Variants in VCAM1 observed in about 807,000 individuals in gnomAD.
VCAM1 encodes vascular cell adhesion protein 1.
Under a neutral mutation model 63.8 loss-of-function variants are expected in VCAM1, and 41 were observed. The observed-to-expected ratio is 0.64, with a 90% CI of 0.50 to 0.83. The LOEUF is 0.83. Among genes scored for constraint, VCAM1 ranks in the 40% least tolerant of loss-of-function variants. The pLI, the probability that VCAM1 is intolerant of heterozygous loss-of-function variation, is 0.00. For synonymous variants in VCAM1, 338 were observed against 320.7 expected (o/e 1.05, Z -0.58); for missense variants, 798 against 875.5 (o/e 0.91, Z 1.12).
chr1:100,721,996 A>T (rs1034732815), intron 2 of VCAM1, among the ~76,000 whole-genome samples: 1 of 152,022 alleles, frequency 6.6e-6, no homozygotes, highest in Admixed American at 6.6e-5. Flanking sequence ...AGAAATGAAG[A>T]CGCTTCTGGT....
Position 100,738,171 on chromosome 1 carries a change from A to C in VCAM1, c.2108A>C (p.Tyr703Ser). 6.2e-7 allele frequency: 1 copy of C among 1,613,828 alleles called. No individual in the cohort carries two copies. The highest frequency in any genetic ancestry group is 1.1e-5 in the South Asian group (1 of 91,048). The change falls in exon 9 of 9, where the codon TAT becomes TCT. Residue 703 changes from tyrosine to serine, a missense_variant. Transcript: ENST00000294728. ...TTTTCTCCTGAGCTTCTCGTGCTCTATTTTGCATCCTCCTTAATAATACCT... is the reference window on the plus strand; with the variant it reads ...TTTTCTCCTGAGCTTCTCGTGCTCTCTTTTGCATCCTCCTTAATAATACCT... ...DYFSPELLVL[Y>S]FASSLIIPAI...
At chr1:100,730,087 AT>A (rs3917054) in intron 5 of VCAM1, among the ~76,000 whole-genome samples, 17 of 151,440 alleles carry the variant, frequency 1.1e-4, no homozygotes, top group African/African-American at 2.4e-4. Context: ...CCATAAAGTT[AT>A]TTTTTTTTGA....
rs772917955 is a variant in VCAM1, at chr1:100,734,687, T to C, written c.1978T>C (p.Leu660=). 7 of 1,613,886 alleles carry C rather than the reference T, an allele frequency of 4.3e-6. No individual in the cohort carries two copies. The highest frequency in any genetic ancestry group is 2.2e-5 in the East Asian group (1 of 44,876). ...CGCCTATACCATCCGAAAGGCCCAG[T>C]TGAAGGATGCGGGAGTATATGAATG... ...DGAYTIRKAQ[L]KDAGVYECES... The change falls in exon 8 of 9, where the codon TTG becomes CTG. Residue 660 remains leucine, a synonymous_variant. Transcript: ENST00000294728.
At position 100,738,169 on chromosome 1, in the gene VCAM1, C is replaced by A; in HGVS notation, c.2106C>A (p.Leu702=). ...ATTTTTCTCCTGAGCTTCTCGTGCTCTATTTTGCATCCTCCTTAATAATAC... is the reference window on the plus strand; with the variant it reads ...ATTTTTCTCCTGAGCTTCTCGTGCTATATTTTGCATCCTCCTTAATAATAC... ...KDYFSPELLV[L]YFASSLIIPA... is the part of the protein sequence containing the mutation. The change falls in exon 9 of 9, where the codon CTC becomes CTA. Residue 702 remains leucine, a synonymous_variant. Transcript: ENST00000294728. 6.2e-7 allele frequency: 1 copy of A among 1,613,664 alleles called. No homozygotes were observed. Among genetic ancestry groups the A allele is most frequent in the Non-Finnish European group, 8.5e-7 (1 of 1,179,758 alleles).
At chr1:100,721,224 T>C (rs1659939687) in intron 2 of VCAM1, among the ~76,000 whole-genome samples, 1 of 152,130 alleles carries the variant, frequency 6.6e-6, no homozygotes, top group Non-Finnish European at 1.5e-5. Context: ...TGTATTAGTA[T>C]AAAAGTGTTC....
rs1660462852 is a variant in VCAM1 at position 100,731,704 on chromosome 1, T to C, written c.1525+186T>C. 6.6e-6 allele frequency among the ~76,000 whole-genome samples: 1 copy of C among 152,202 alleles called. No homozygotes were observed. The highest frequency in any genetic ancestry group is 1.5e-5 in the Non-Finnish European group (1 of 68,026). Reference sequence around the variant, plus strand: ...TAAACTTAAAATAGTAACTATTTACTGGCTTATGATGCTTTGAGTAGGCAA... The same window carrying C: ...TAAACTTAAAATAGTAACTATTTACCGGCTTATGATGCTTTGAGTAGGCAA... On this transcript the variant is annotated intron_variant, in intron 6 of 8. Transcript: ENST00000294728. This position sits in a 1 kb window ranked among gnomAD's most constrained non-coding sequence, Gnocchi z 4.2.
chr1:100,721,952 C>A (rs745486608), intron 2 of VCAM1, among the ~76,000 whole-genome samples: 4 of 151,904 alleles, frequency 2.6e-5, no homozygotes, highest in Non-Finnish European at 5.9e-5. Context: ...TGTCTTTTGC[C>A]CACTAGTACC....
intron 5 of VCAM1, among the ~76,000 whole-genome samples, chr1:100,730,731 G>A (rs3917058): frequency 0.035 from 5,293 of 152,110 alleles, 313 homozygotes; most frequent in African/African-American, 0.12. Context: ...GCCTCTATAT[G>A]TTTCAGTATT....
intron 7 of VCAM1, 27 bp downstream of exon 7, chr1:100,732,711 T>A: frequency 6.6e-7 from 1 of 1,521,760 alleles, no homozygotes; most frequent in Non-Finnish European, 8.8e-7. Context: ...TAATGAGTTA[T>A]CCTTGCTAGT....
chr1:100,721,482 TA>T (rs1010611150), intron 2 of VCAM1, among the ~76,000 whole-genome samples: 12 of 151,928 alleles, frequency 7.9e-5, no homozygotes, highest in Non-Finnish European at 1.5e-4. Flanking sequence ...GCAAGAGGAG[TA>T]AAAAACTAAC....
rs553240083 is a variant in VCAM1 at position 100,736,089 on chromosome 1, T to G, written c.2059+1321T>G. On this transcript the variant is annotated intron_variant, in intron 8 of 8. Coordinates refer to ENST00000294728, the MANE Select transcript of VCAM1 (RefSeq NM_001078.4). ...AATTGGTCCCCTAACATTTCTGTAATTCTTTTGTTAATTAATTGTGACCTT... is the reference window on the plus strand; with the variant it reads ...AATTGGTCCCCTAACATTTCTGTAAGTCTTTTGTTAATTAATTGTGACCTT... 3.3e-5 allele frequency: 5 copies of G among 152,310 alleles called. No homozygotes were observed. The South Asian group carries it at 1.0e-3, about 32-fold the overall frequency. 9.4% of individuals were successfully genotyped at this position (152,310 alleles called of 1,614,324 possible).
chr1:100,734,794 T>A, intron 8 of VCAM1, 26 bp downstream of exon 8: 1 of 1,610,216 alleles, frequency 6.2e-7, no homozygotes, highest in East Asian at 2.2e-5. Context: ...GTTTTTGTTT[T>A]CTTGGTAATA....
intron 5 of VCAM1, among the ~76,000 whole-genome samples, chr1:100,729,920 G>T (rs1234723037): frequency 1.3e-5 from 2 of 152,100 alleles, no homozygotes; most frequent in African/African-American, 4.8e-5. Context: ...AGCAGCGCTA[G>T]ATCTTAATGT....
chr1:100,730,549 A>G (rs1036983583), intron 5 of VCAM1, among the ~76,000 whole-genome samples: 1 of 152,112 alleles, frequency 6.6e-6, no homozygotes, highest in Non-Finnish European at 1.5e-5. Flanking sequence ...TTGCTGCCTA[A>G]ATTTGGTCAT....
At position 100,738,326 on chromosome 1, in the gene VCAM1, C is replaced by A; in HGVS notation, c.*43C>A. Reference sequence around the variant, plus strand: ...CAACTGGAGACACTATTTATCTGTGCAAATCCTTGATACTGCTCATCATTC... The same window carrying A: ...CAACTGGAGACACTATTTATCTGTGAAAATCCTTGATACTGCTCATCATTC... On this transcript the variant is annotated 3_prime_UTR_variant, in exon 9 of 9. Coordinates refer to ENST00000294728, the MANE Select transcript of VCAM1 (RefSeq NM_001078.4). The A allele has an allele frequency of 6.3e-7, 1 of 1,583,690 alleles. No homozygotes were observed. The highest frequency in any genetic ancestry group is 8.6e-7 in the Non-Finnish European group (1 of 1,160,786).
At chr1:100,724,479 G>A (rs953261499) in intron 3 of VCAM1, 145 bp from the exon 4 acceptor site, 16 of 907,090 alleles carry the variant, frequency 1.8e-5, no homozygotes, top group Non-Finnish European at 2.6e-5. Context: ...AGACTATTTT[G>A]AATGATTCAG....
At position 100,727,399 on chromosome 1, in the gene VCAM1, G is replaced by A. The variant is rs150236380; in HGVS notation, c.929-1708G>A. 3.1e-4 allele frequency among the ~76,000 whole-genome samples: 47 copies of A among 152,134 alleles called. 1 individual carries two copies. The East Asian group carries it at 8.7e-3, about 28-fold the overall frequency. ...TCACCCTAAGTGGATTATCTCGGTTGGATGTTAGGTTAGCATTCTCAAGTG... is the reference window on the plus strand; with the variant it reads ...TCACCCTAAGTGGATTATCTCGGTTAGATGTTAGGTTAGCATTCTCAAGTG... On this transcript the variant is annotated intron_variant, in intron 4 of 8. Coordinates refer to ENST00000294728, the MANE Select transcript of VCAM1 (RefSeq NM_001078.4).
Position 100,738,738 on chromosome 1 carries a change from CTATA to C in VCAM1, c.*458_*461del, listed in dbSNP as rs1660748441. On this transcript the variant is annotated 3_prime_UTR_variant, in exon 9 of 9. Coordinates refer to ENST00000294728, the MANE Select transcript of VCAM1 (RefSeq NM_001078.4). Reference sequence around the variant, plus strand: ...TATTCCCTTTCACAAAATTTTATTCCTATATAGTTTATTGACAATAATTTCAGGT... The same window carrying C: ...TATTCCCTTTCACAAAATTTTATTCCTAGTTTATTGACAATAATTTCAGGT... The C allele has an allele frequency of 6.6e-6, 1 of 152,382 alleles. No individual in the cohort carries two copies. The highest frequency in any genetic ancestry group is 1.5e-5 in the Non-Finnish European group (1 of 68,102). The allele number at this position is 152,382 out of a possible 1,614,324, so 9.4% of individuals were successfully genotyped here.
Position 100,723,119 on chromosome 1 carries a change from G to A in VCAM1, c.440G>A (p.Arg147Lys). 1 of 1,613,102 alleles carries A rather than the reference G, an allele frequency of 6.2e-7. No individual in the cohort carries two copies. Among genetic ancestry groups the A allele is most frequent in the African/African-American group, 1.3e-5 (1 of 74,968 alleles). The change falls in exon 3 of 9, where the codon AGG (arginine) becomes AAG (lysine). Residue 147 changes from arginine to lysine, a missense_variant. Arg to Lys is a conservative substitution (Grantham distance 26, BLOSUM62 2). Coordinates refer to ENST00000294728, the MANE Select transcript of VCAM1 (RefSeq NM_001078.4). ...GTTGCTGATGTATACCCATTTGACA[G>A]GCTGGAGATAGACTTACTGAAAGGA... is the stretch of plus-strand genomic sequence containing the variant. Reference protein sequence around the residue: ...CSVADVYPFDRLEIDLLKGDH... With the variant: ...CSVADVYPFDKLEIDLLKGDH...
Sources: gnomAD v4.1 joint callset for allele counts (sites outside exome capture counted in the v4.1 genomes callset) on GRCh38, gnomAD v4.1.1 for gene constraint, Gnocchi (gnomAD v3.1) non-coding constraint, MANE v1.5 for transcripts, NCBI Gene and HGNC (gene_info 2026-07-23, HGNC 2026-07-21) for gene names.